LDB2: variants seen among roughly 807,000 people sequenced by gnomAD.
LDB2 encodes the protein LIM domain-binding protein 2.
A neutral mutation model predicts 44.3 loss-of-function variants in LDB2; 12 were observed. The observed-to-expected ratio is 0.27, with a 90% CI of 0.17 to 0.44. The LOEUF (loss-of-function observed/expected upper bound fraction) is 0.44, where lower values mean the gene tolerates loss of function less well. Among genes scored for constraint, LDB2 ranks in the 20% least tolerant of loss-of-function variants. LDB2 has a pLI of 1.00. For missense variants in LDB2, 344 were observed against 473.5 expected (o/e 0.73, Z 2.54); for synonymous variants, 164 against 174.8 (o/e 0.94, Z 0.49).
intron 1 of LDB2, among the ~76,000 whole-genome samples, chr4:16,854,502 A>AATAC (rs1255901104): frequency 3.2e-4 from 21 of 65,686 alleles, no homozygotes; most frequent in African/African-American, 1.5e-3. Context: ...TTTAAATATA[A>AATAC]ATACACACAC....
intron 2 of LDB2, among the ~76,000 whole-genome samples, chr4:16,720,901 A>G (rs1758129910): frequency 6.6e-6 from 1 of 152,158 alleles, no homozygotes; most frequent in Admixed American, 6.6e-5. Context: ...TTCTAAGCAC[A>G]AGAGCAGTCT....
intron 2 of LDB2, among the ~76,000 whole-genome samples, chr4:16,704,796 C>T (rs1048159608): frequency 6.6e-6 from 1 of 152,186 alleles, no homozygotes; most frequent in African/African-American, 2.4e-5. Context: ...CTTAACTTCC[C>T]TCCACGTGGA....
At chr4:16,641,225 C>T (rs1031327499) in intron 2 of LDB2, among the ~76,000 whole-genome samples, 3 of 151,918 alleles carry the variant, frequency 2.0e-5, no homozygotes, top group Admixed American at 6.6e-5. Context: ...TTTCAGGAGA[C>T]GGCAGGTAGG....
chr4:16,825,941 A>C (rs562936221), intron 1 of LDB2, among the ~76,000 whole-genome samples: 25 of 152,044 alleles, frequency 1.6e-4, no homozygotes, highest in African/African-American at 5.5e-4. Context: ...TTTTATATAT[A>C]TGTGCCTATG....
At chr4:16,722,130 T>C (rs1259003943) in intron 2 of LDB2, among the ~76,000 whole-genome samples, 1 of 152,120 alleles carries the variant, frequency 6.6e-6, no homozygotes, top group Admixed American at 6.6e-5. Context: ...GGCCTCAGTG[T>C]TCTTAACATA....
intron 5 of LDB2, among the ~76,000 whole-genome samples, chr4:16,554,562 T>C (rs994368458): frequency 2.0e-5 from 3 of 152,126 alleles, no homozygotes; most frequent in East Asian, 1.9e-4. Context: ...AATGCACTGA[T>C]GCATTCAAAA....
chr4:16,749,066 C>T (rs1412707445), intron 2 of LDB2, among the ~76,000 whole-genome samples: 1 of 152,118 alleles, frequency 6.6e-6, no homozygotes, highest in Admixed American at 6.6e-5. Flanking sequence ...TGAAATTATA[C>T]CCAGTAAGAT....
chr4:16,718,487 C>G (rs17428878), intron 2 of LDB2, among the ~76,000 whole-genome samples: 2,915 of 152,150 alleles, frequency 0.019, 38 homozygotes, highest in Non-Finnish European at 0.028. Flanking sequence ...CTATCTTTAA[C>G]CCACATGGGC....
At chr4:16,842,140 T>C (rs1054976978) in intron 1 of LDB2, among the ~76,000 whole-genome samples, 3 of 152,192 alleles carry the variant, frequency 2.0e-5, no homozygotes, top group South Asian at 4.1e-4. Context: ...CATTATTTTT[T>C]ACTCAGAGTC....
intron 1 of LDB2, among the ~76,000 whole-genome samples, chr4:16,827,073 T>C (rs1780687055): frequency 6.6e-6 from 1 of 152,160 alleles, no homozygotes; most frequent in South Asian, 2.1e-4. Flanking sequence ...AAATTCTTAT[T>C]TGCTATTCAT....
At chr4:16,890,069 A>G (rs1013550317) in intron 1 of LDB2, among the ~76,000 whole-genome samples, 29 of 152,292 alleles carry the variant, frequency 1.9e-4, no homozygotes, top group African/African-American at 7.0e-4. Flanking sequence ...AGAAAGCCAT[A>G]TATTCGGTGT....
At chr4:16,628,931 C>T (rs372257889) in intron 2 of LDB2, among the ~76,000 whole-genome samples, 2 of 152,236 alleles carry the variant, frequency 1.3e-5, no homozygotes, top group African/African-American at 4.8e-5. Context: ...GTCTCACAAC[C>T]GGTAGACCAG....
intron 1 of LDB2, among the ~76,000 whole-genome samples, chr4:16,762,041 A>G (rs1768039200): frequency 6.6e-6 from 1 of 151,994 alleles, no homozygotes; most frequent in South Asian, 2.1e-4. Context: ...AAAATAGAAA[A>G]ATTGGCCAGC....
At chr4:16,860,372 C>G (rs142740609) in intron 1 of LDB2, among the ~76,000 whole-genome samples, 80 of 152,342 alleles carry the variant, frequency 5.3e-4, no homozygotes, top group African/African-American at 1.7e-3. Flanking sequence ...CACACATACA[C>G]ACACACCCAC....
chr4:16,755,730 C>T (rs1188908209), intron 2 of LDB2, among the ~76,000 whole-genome samples: 2 of 152,154 alleles, frequency 1.3e-5, no homozygotes, highest in Non-Finnish European at 2.9e-5. Context: ...CTCTGATACT[C>T]TTCTTTCCTA....
At chr4:16,534,104 T>G (rs1016197105) in intron 5 of LDB2, among the ~76,000 whole-genome samples, 2 of 152,172 alleles carry the variant, frequency 1.3e-5, no homozygotes, top group Non-Finnish European at 2.9e-5. Context: ...AGCAGAATGA[T>G]GCACCATGCA....
intron 2 of LDB2, among the ~76,000 whole-genome samples, chr4:16,695,504 GT>G (rs1299708293): frequency 6.6e-6 from 1 of 151,244 alleles, no homozygotes; most frequent in Non-Finnish European, 1.5e-5. Flanking sequence ...ATAAAACATT[GT>G]AAAAAGAAGT....
intron 1 of LDB2, among the ~76,000 whole-genome samples, chr4:16,771,142 C>A (rs1770571570): frequency 6.6e-6 from 1 of 152,104 alleles, no homozygotes; most frequent in Non-Finnish European, 1.5e-5. Flanking sequence ...AAGAATAATT[C>A]TTCAAGTCAC....
At chr4:16,506,314 T>G (rs1478533340) in intron 7 of LDB2, 3 of 227,524 alleles carry the variant, frequency 1.3e-5, no homozygotes, top group Non-Finnish European at 2.6e-5. Context: ...AATTTTACTT[T>G]ATTAAAACAT....
Sources: gnomAD v4.1 joint callset for allele counts (sites outside exome capture counted in the v4.1 genomes callset) on GRCh38, gnomAD v4.1.1 for gene constraint, MANE v1.5 for transcripts, NCBI Gene and HGNC (gene_info 2026-07-23, HGNC 2026-07-21) for gene names.